Variants in STPG2 observed in about 807,000 individuals in gnomAD.
STPG2 encodes sperm tail PG-rich repeat containing 2.
In STPG2, 56 loss-of-function variants were observed where a neutral mutation model predicts 54.2. The observed-to-expected ratio is 1.03, with a 90% CI of 0.83 to 1.29. The LOEUF (loss-of-function observed/expected upper bound fraction) is 1.29. STPG2 is among the 50% of genes most tolerant of loss of function. The pLI is 0.00. For synonymous variants in STPG2, 200 were observed against 181.8 expected, an observed-to-expected ratio of 1.10 and a Z score of -0.81; for missense variants, 596 against 544.9, an observed-to-expected ratio of 1.09 and a Z score of -0.93.
intron 7 of STPG2, among the ~76,000 whole-genome samples, chr4:97,957,082 T>G (rs1220821398): frequency 6.7e-6 from 1 of 148,762 alleles, no homozygotes; most frequent in Non-Finnish European, 1.5e-5. Context: ...TATATATATA[T>G]GTGAAATATA....
chr4:98,024,323 T>C (rs1260153644), intron 5 of STPG2, among the ~76,000 whole-genome samples: 1 of 152,232 alleles, frequency 6.6e-6, no homozygotes, highest in Non-Finnish European at 1.5e-5. Flanking sequence ...GTAGTTTCAC[T>C]GCTGATTATC....
rs960571322 is a variant in STPG2, at chr4:98,020,214, G to A, written c.613-38896C>T. On this transcript the variant is annotated intron_variant, in intron 5 of 10. Transcript: ENST00000295268. ...CCCATCAATACCTAATTTATTGAGA[G>A]TTTTTAGCATGAAGGGTTGTTGAAT... 4.5e-5 allele frequency among the ~76,000 whole-genome samples: 6 copies of A among 132,562 alleles called. 1 individual carries two copies. The highest frequency in any genetic ancestry group is 2.1e-4 in the East Asian group (1 of 4,776). The allele number at this position is 132,562 out of a possible 152,430, so 87.0% of individuals were successfully genotyped here.
chr4:97,486,827 GTGTATA>G (rs1407921193), intron 4 of STPG2, among the ~76,000 whole-genome samples: 142 of 130,902 alleles, frequency 1.1e-3, no homozygotes, highest in African/African-American at 3.9e-3. Context: ...GTGTGTGTGT[GTGTATA>G]TATATATATA....
chr4:98,050,589 T>C (rs6827516), intron 5 of STPG2, among the ~76,000 whole-genome samples: 59,969 of 152,084 alleles, frequency 0.39, 12,061 homozygotes, highest in Middle Eastern at 0.46. Flanking sequence ...ACATTGAATC[T>C]GAGGGAGAGC....
chr4:98,012,054 C>A (rs1735772186), intron 5 of STPG2, among the ~76,000 whole-genome samples: 1 of 152,126 alleles, frequency 6.6e-6, no homozygotes, highest in Non-Finnish European at 1.5e-5. Flanking sequence ...ATGATATTGT[C>A]TAGGTTTTCT....
intron 9 of STPG2, among the ~76,000 whole-genome samples, chr4:97,767,346 T>C (rs1246221630): frequency 6.6e-6 from 1 of 152,162 alleles, no homozygotes; most frequent in Non-Finnish European, 1.5e-5. Context: ...TGTCCCATCC[T>C]TGCTAATTTT....
intron 3 of STPG2, among the ~76,000 whole-genome samples, chr4:98,114,763 T>G (rs74845415): frequency 0.54 from 78,615 of 145,082 alleles, 20,587 homozygotes; most frequent in East Asian, 0.62. Context: ...ATTTTTTTTT[T>G]TTTGTGTGTG....
chr4:97,596,524 C>A (rs181787397), intron 10 of STPG2, among the ~76,000 whole-genome samples: 9 of 152,154 alleles, frequency 5.9e-5, no homozygotes, highest in African/African-American at 2.2e-4. Flanking sequence ...ATAAAACAAT[C>A]CTCAGTAGAT....
intron 10 of STPG2, among the ~76,000 whole-genome samples, chr4:97,679,203 T>C (rs1292960301): frequency 1.3e-5 from 2 of 152,242 alleles, no homozygotes; most frequent in Admixed American, 6.5e-5. Flanking sequence ...ATCGCCACAC[T>C]AACTTCCACA....
chr4:97,475,945 T>TA (rs35605242), intron 4 of STPG2, among the ~76,000 whole-genome samples: 2 of 151,126 alleles, frequency 1.3e-5, no homozygotes, highest in Non-Finnish European at 3.0e-5. Flanking sequence ...TACTACTACC[T>TA]AAAAAAAAAG....
chr4:97,920,944 C>T (rs1233958342), intron 8 of STPG2, among the ~76,000 whole-genome samples: 3 of 152,154 alleles, frequency 2.0e-5, no homozygotes, highest in Non-Finnish European at 4.4e-5. Context: ...CAACACTCAT[C>T]TCATTACAGA....
chr4:97,828,766 C>T (rs536071635), intron 9 of STPG2, among the ~76,000 whole-genome samples: 3 of 152,100 alleles, frequency 2.0e-5, no homozygotes, highest in Non-Finnish European at 4.4e-5. Context: ...ACAGTGTAAA[C>T]GAAGTTCGAA....
intron 10 of STPG2, among the ~76,000 whole-genome samples, chr4:97,661,401 T>C (rs575196174): frequency 2.1e-4 from 32 of 152,284 alleles, no homozygotes; most frequent in Admixed American, 2.1e-3. Flanking sequence ...GGATTAATAG[T>C]TGTGTCCTAA....
chr4:97,723,767 G>A (rs1220555392), intron 9 of STPG2, among the ~76,000 whole-genome samples: 1 of 152,152 alleles, frequency 6.6e-6, no homozygotes, highest in Non-Finnish European at 1.5e-5. Flanking sequence ...AAGGGAAGCA[G>A]GCACTTCTTC....
chr4:97,554,567 G>A (rs933355062), downstream of STPG2, among the ~76,000 whole-genome samples: 4 of 152,008 alleles, frequency 2.6e-5, no homozygotes, highest in African/African-American at 9.7e-5. Flanking sequence ...TTAAATCTAA[G>A]CTTCTTGTCT....
chr4:97,516,847 AC>A (rs1178745520), intron 4 of STPG2, among the ~76,000 whole-genome samples: 2 of 107,128 alleles, frequency 1.9e-5, no homozygotes, highest in Non-Finnish European at 4.2e-5. Context: ...AACAACAACA[AC>A]AATATATATA....
intron 8 of STPG2, among the ~76,000 whole-genome samples, chr4:97,905,300 T>C (rs1051646487): frequency 1.3e-5 from 2 of 152,162 alleles, no homozygotes; most frequent in East Asian, 1.9e-4. Context: ...GGGGCCAATA[T>C]TCAACATTCT....
intron 8 of STPG2, among the ~76,000 whole-genome samples, chr4:97,852,939 T>A (rs1432209513): frequency 6.6e-6 from 1 of 151,148 alleles, no homozygotes; most frequent in Non-Finnish European, 1.5e-5. Context: ...TTATTCTACA[T>A]TAATGTTCCT....
chr4:97,617,287 C>A (rs1280595997), intron 10 of STPG2, among the ~76,000 whole-genome samples: 1 of 151,862 alleles, frequency 6.6e-6, no homozygotes, highest in Non-Finnish European at 1.5e-5. Flanking sequence ...AACCCCATTA[C>A]AAGCCTAAAA....
Sources: allele counts gnomAD v4.1 joint callset (sites outside exome capture counted in the v4.1 genomes callset), GRCh38; gene constraint gnomAD v4.1.1; transcripts MANE v1.5; gene names NCBI Gene and HGNC (gene_info 2026-07-23, HGNC 2026-07-21).